The following CAMK1D variants were observed in gnomAD, a reference collection of about 807,000 sequenced individuals.
CAMK1D encodes the protein calcium/calmodulin dependent protein kinase ID, also known as calcium/calmodulin-dependent protein kinase type 1D.
CAMK1D carries 9 observed loss-of-function variants against 47.7 expected under a neutral mutation model. The ratio of observed to expected loss-of-function variants is 0.19; its 90% CI spans 0.11 to 0.33. The LOEUF is 0.33. Among genes scored for constraint, CAMK1D ranks in the 10% least tolerant of loss-of-function variants. The pLI, the probability that CAMK1D is intolerant of heterozygous loss-of-function variation, is 1.00. For synonymous variants in CAMK1D, 184 were observed against 184.9 expected (o/e 0.99, Z 0.04); for missense variants, 291 against 488.7 (o/e 0.60, Z 3.81).
intron 1 of CAMK1D, among the ~76,000 whole-genome samples, chr10:12,392,634 T>C (rs1838775894): frequency 6.6e-6 from 1 of 152,256 alleles, no homozygotes. Context: ...TATGTATTAC[T>C]TAACATACTT....
At chr10:12,794,829 G>T (rs887329341) in intron 6 of CAMK1D, among the ~76,000 whole-genome samples, 1 of 152,126 alleles carries the variant, frequency 6.6e-6, no homozygotes, top group Non-Finnish European at 1.5e-5. Context: ...CAAATCCTGG[G>T]TATGATTGAC....
At chr10:12,653,340 TATTC>T (rs1282578321) in intron 2 of CAMK1D, 1 of 152,550 alleles carries the variant, frequency 6.6e-6, no homozygotes, top group Admixed American at 6.5e-5. Context: ...AGGAAACAAA[TATTC>T]ATACCATAGC....
chr10:12,391,856 G>A (rs1382242314), intron 1 of CAMK1D, among the ~76,000 whole-genome samples: 1 of 152,094 alleles, frequency 6.6e-6, no homozygotes, highest in Non-Finnish European at 1.5e-5. Context: ...TAAATTTATG[G>A]GATAGTTACT....
rs1294645030 is a variant in CAMK1D, at chr10:12,349,657, CGCG to C, written c.-149_-147del. ...ATAAGAGCCAGGGAGGGACCGCGGC[CGCG>C]GCGGCGGCGGCGAGAGCGAAAGAGG... On this transcript the variant is annotated 5_prime_UTR_variant, in exon 1 of 11. Transcript: ENST00000619168. 1.9e-4 allele frequency: 30 copies of C among 159,048 alleles called. No homozygotes were observed. The highest frequency in any genetic ancestry group is 3.9e-4 in the East Asian group (2 of 5,168). The allele number at this position is 159,048 out of a possible 1,614,324, so 9.9% of individuals were successfully genotyped here. A position where few individuals can be genotyped will look rare whatever the true frequency, so the allele number is the denominator to read the frequency against.
intron 1 of CAMK1D, among the ~76,000 whole-genome samples, chr10:12,378,311 A>G (rs191393840): frequency 4.6e-5 from 7 of 152,216 alleles, no homozygotes; most frequent in African/African-American, 7.2e-5. Flanking sequence ...AGGTGGTGCA[A>G]TCATAGCTCA....
intron 1 of CAMK1D, among the ~76,000 whole-genome samples, chr10:12,436,169 G>A (rs1463289404): frequency 6.6e-6 from 1 of 152,188 alleles, no homozygotes; most frequent in Non-Finnish European, 1.5e-5. Flanking sequence ...CCTGTCCTTG[G>A]CCTGAAAGCC....
At chr10:12,505,149 T>C (rs1160753799) in intron 1 of CAMK1D, among the ~76,000 whole-genome samples, 1 of 152,190 alleles carries the variant, frequency 6.6e-6, no homozygotes, top group Non-Finnish European at 1.5e-5. Flanking sequence ...TCCTGATAGA[T>C]GCAGAAGCCG....
chr10:12,584,172 G>A (rs1837746541), intron 2 of CAMK1D, among the ~76,000 whole-genome samples: 3 of 152,198 alleles, frequency 2.0e-5, no homozygotes, highest in African/African-American at 7.2e-5. Flanking sequence ...AGACTTGTGT[G>A]AGTACTTAAC....
chr10:12,404,484 A>T (rs191893264), intron 1 of CAMK1D, among the ~76,000 whole-genome samples: 1 of 152,318 alleles, frequency 6.6e-6, no homozygotes, highest in Admixed American at 6.5e-5. Context: ...ATAAATAGGT[A>T]CACCTTAATT....
intron 1 of CAMK1D, among the ~76,000 whole-genome samples, chr10:12,541,090 T>C (rs1372005457): frequency 1.3e-5 from 2 of 152,248 alleles, no homozygotes; most frequent in Non-Finnish European, 2.9e-5. Flanking sequence ...TGGATTCATA[T>C]TTGTTCTTCA....
chr10:12,635,424 T>C (rs1217395191), intron 2 of CAMK1D, among the ~76,000 whole-genome samples: 1 of 152,204 alleles, frequency 6.6e-6, no homozygotes, highest in Admixed American at 6.5e-5. Context: ...ATAGGTTAGA[T>C]ACAAAGTTGT....
intron 2 of CAMK1D, among the ~76,000 whole-genome samples, chr10:12,598,383 A>G (rs1838204996): frequency 6.6e-6 from 1 of 152,102 alleles, no homozygotes; most frequent in Non-Finnish European, 1.5e-5. Context: ...GATGTCGATA[A>G]TTTTCCCATA....
chr10:12,445,808 T>G (rs1832908648), intron 1 of CAMK1D, among the ~76,000 whole-genome samples: 2 of 152,344 alleles, frequency 1.3e-5, no homozygotes, highest in South Asian at 4.1e-4. Context: ...TGTGCCTGAC[T>G]GTTGTTTGCT....
chr10:12,515,059 C>T (rs972225388), intron 1 of CAMK1D, among the ~76,000 whole-genome samples: 6 of 151,376 alleles, frequency 4.0e-5, no homozygotes, highest in Non-Finnish European at 5.9e-5. Flanking sequence ...GACGGGGTTT[C>T]GCCATGTTGG....
intron 2 of CAMK1D, among the ~76,000 whole-genome samples, chr10:12,659,879 AC>A (rs774847877): frequency 6.2e-4 from 94 of 152,248 alleles, no homozygotes; most frequent in Admixed American, 1.4e-3. Flanking sequence ...CCCAGACTAG[AC>A]TGTAAACCCG....
intron 1 of CAMK1D, among the ~76,000 whole-genome samples, chr10:12,372,911 G>T (rs1409068431): frequency 6.6e-6 from 1 of 152,194 alleles, no homozygotes; most frequent in Non-Finnish European, 1.5e-5. Context: ...GATTATAGGC[G>T]TGAGCCACTG....
At chr10:12,390,315 T>C (rs1410270885) in intron 1 of CAMK1D, among the ~76,000 whole-genome samples, 1 of 152,170 alleles carries the variant, frequency 6.6e-6, no homozygotes, top group Non-Finnish European at 1.5e-5. Flanking sequence ...CAAGTGATCC[T>C]CCTGTCTCAG....
At chr10:12,702,126 C>A (rs973879433) in intron 3 of CAMK1D, among the ~76,000 whole-genome samples, 1 of 152,124 alleles carries the variant, frequency 6.6e-6, no homozygotes, top group East Asian at 1.9e-4. Context: ...GCTGGGAACC[C>A]ACTTTCTAGA....
intron 4 of CAMK1D, among the ~76,000 whole-genome samples, chr10:12,761,834 C>T (rs1178311376): frequency 6.6e-6 from 1 of 152,104 alleles, no homozygotes; most frequent in Non-Finnish European, 1.5e-5. Flanking sequence ...TGCAGTGAGC[C>T]GAGATCGCAC....
Sources: allele counts gnomAD v4.1 joint callset (sites outside exome capture counted in the v4.1 genomes callset), GRCh38; gene constraint gnomAD v4.1.1; transcripts MANE v1.5; gene names NCBI Gene and HGNC (gene_info 2026-07-23, HGNC 2026-07-21).